Variants in HEATR9 observed in about 807,000 individuals in gnomAD.
HEATR9 encodes HEAT repeat containing 9.
Under a neutral mutation model 68.2 loss-of-function variants are expected in HEATR9, and 54 were observed. The ratio of observed to expected loss-of-function variants is 0.79; its 90% confidence interval spans 0.64 to 0.99. The LOEUF (loss-of-function observed/expected upper bound fraction) is 0.99, where lower values mean the gene tolerates loss of function less well. Among genes scored for constraint, HEATR9 ranks in the 50% least tolerant of loss-of-function variants. The probability of loss-of-function intolerance (pLI) is 0.00; values close to 1 mark genes in which losing one functional copy is unlikely to be tolerated. For missense variants in HEATR9, 662 were observed against 679.7 expected (o/e 0.97, Z 0.29); for synonymous variants, 241 against 253.5 (o/e 0.95, Z 0.47).
chr17:35,865,199 G>A lies in HEATR9; in HGVS notation c.320+16C>T, dbSNP rs571481139. 1 of 1,609,146 alleles carries A rather than the reference G, an allele frequency of 6.2e-7. No individual in the cohort carries two copies. The highest frequency in any genetic ancestry group is 1.1e-5 in the South Asian group (1 of 89,740). On this transcript the variant is annotated intron_variant, in intron 3 of 14. Transcript: ENST00000604834. ...ATGTGGAGGGTGAGAAGAATATGGA[G>A]GCCAGCAAAACACACCTACAGTCAT...
At chr17:35,863,701 A>G in intron 6 of HEATR9, 142 bp from the exon 7 acceptor site, 1 of 834,484 alleles carries the variant, frequency 1.2e-6, no homozygotes, top group South Asian at 1.6e-5. Flanking sequence ...CAAATACAGA[A>G]TACAGCCAAA....
intron 12 of HEATR9, 150 bp from the exon 13 acceptor site, chr17:35,856,374 G>A (rs1288150935): frequency 1.3e-6 from 2 of 1,571,112 alleles, no homozygotes; most frequent in Non-Finnish European, 8.6e-7. Flanking sequence ...TCAGAAAAGG[G>A]GCAGGGAGAG....
rs760970160 is a variant in HEATR9, at chr17:35,858,927, C to T, written c.900G>A (p.Leu300=). The T allele has an allele frequency of 3.1e-6, 5 of 1,614,156 alleles. No homozygotes were observed. In the South Asian group the frequency reaches 5.5e-5, roughly 18 times the overall value. Residue 300 remains leucine, a synonymous_variant, in exon 9 of 15, where the codon TTG becomes TTA. Transcript: ENST00000604834. ...TCTTGAGTCCTTGGCACAGGCACTGCAACAAGAACTCTTGGACCATGTTGC... is the reference window on the plus strand; with the variant it reads ...TCTTGAGTCCTTGGCACAGGCACTGTAACAAGAACTCTTGGACCATGTTGC... ...PCSNMVQEFL[L]QCLCQGLKTQ...
chr17:35,856,321 A>G, intron 12 of HEATR9, 97 bp from the exon 13 acceptor site: 3 of 1,613,488 alleles, frequency 1.9e-6, no homozygotes, highest in Non-Finnish European at 2.5e-6. Context: ...GAATTAGGCA[A>G]AGTGATGCTA....
chr17:35,862,771 AT>A (rs751097170), intron 8 of HEATR9, among the ~76,000 whole-genome samples: 7 of 152,190 alleles, frequency 4.6e-5, no homozygotes. Context: ...TCCATTCTCC[AT>A]TTTAAATACA....
chr17:35,863,086 T>A lies in HEATR9; in HGVS notation c.665A>T (p.Gln222Leu). Reference protein sequence around the residue: ...NKHVIRALIKQLKEKNEGQRM... With the variant: ...NKHVIRALIKLLKEKNEGQRM... ...TTGACCCTCATTTTTCTCCTTCAGC[T>A]GTTTGATGAGAGCCCGGATCACATG... Residue 222 changes from glutamine (Q) to leucine (L), a missense_variant, in exon 8 of 15, where the codon CAG becomes CTG. Physicochemically the swap from Gln to Leu is moderately radical, Grantham distance 113 (BLOSUM62 -2). Coordinates refer to ENST00000604834, the MANE Select transcript of HEATR9 (RefSeq NM_152781.4). The A allele has an allele frequency of 1.2e-6, 2 of 1,614,224 alleles. No homozygotes were observed. The highest frequency in any genetic ancestry group is 1.7e-6 in the Non-Finnish European group (2 of 1,180,032).
chr17:35,860,026 A>G (rs542936465), intron 8 of HEATR9, among the ~76,000 whole-genome samples: 2 of 152,266 alleles, frequency 1.3e-5, no homozygotes, highest in South Asian at 2.1e-4. Context: ...GACTATAACC[A>G]TCTATCTAAG....
intron 8 of HEATR9, among the ~76,000 whole-genome samples, chr17:35,862,721 GT>G (rs1568320104): frequency 6.6e-6 from 1 of 152,134 alleles, no homozygotes; most frequent in African/African-American, 2.4e-5. Flanking sequence ...TCGAAAAATC[GT>G]AAGTCAAACC....
chr17:35,858,232 G>A lies in HEATR9; in HGVS notation c.1120C>T (p.Leu374Phe), dbSNP rs556697108. 1 of 1,614,170 alleles carries A rather than the reference G, an allele frequency of 6.2e-7. No individual in the cohort carries two copies. The highest frequency in any genetic ancestry group is 2.2e-5 in the East Asian group (1 of 44,884). Residue 374 changes from leucine (L) to phenylalanine (F), a missense_variant, in exon 11 of 15, where the codon CTC becomes TTC. Transcript: ENST00000604834. ...QGLEELTFNL[L>F]RRKTHNEPFL... Reference sequence around the variant, plus strand: ...GGTTCATTATGCGTCTTCCTCCTGAGCAGGTTAAATGTGAGTTCCTCTAGC... The same window carrying A: ...GGTTCATTATGCGTCTTCCTCCTGAACAGGTTAAATGTGAGTTCCTCTAGC...
Position 35,865,373 on chromosome 17 carries a change from T to TG in HEATR9, c.161dup (p.Ser55LysfsTer24), listed in dbSNP as rs777455019. 3.7e-6 allele frequency: 6 copies of TG among 1,613,040 alleles called. No individual in the cohort carries two copies. Among genetic ancestry groups the TG allele is most frequent in the Non-Finnish European group, 5.1e-6 (6 of 1,179,648 alleles). On this transcript the variant is annotated frameshift_variant, in exon 3 of 15. Coordinates refer to ENST00000604834, the MANE Select transcript of HEATR9 (RefSeq NM_152781.4). LOFTEE classifies it high-confidence loss of function. The stretch of plus-strand genomic sequence containing the variant: ...GATGCTGCCTCCAGCACTCTGGACT[T>TG]GGGGGAAACTCTTCCTTTGGCATCT...
intron 8 of HEATR9, among the ~76,000 whole-genome samples, chr17:35,862,793 C>G (rs1843541202): frequency 6.6e-6 from 1 of 152,226 alleles, no homozygotes; most frequent in Non-Finnish European, 1.5e-5. Flanking sequence ...AACTGCAGCT[C>G]TGAAATTTGG....
intron 9 of HEATR9, 133 bp from the exon 10 acceptor site, chr17:35,858,658 C>T (rs2087863956): frequency 1.1e-6 from 1 of 872,716 alleles, no homozygotes; most frequent in African/African-American, 1.7e-5. Context: ...GCCTCTTGAC[C>T]ACAGAAGTTC....
intron 13 of HEATR9, 102 bp from the exon 14 acceptor site, chr17:35,855,852 G>C (rs113733432): frequency 1.0e-5 from 10 of 1,001,420 alleles, no homozygotes; most frequent in Middle Eastern, 3.0e-4. Context: ...AGCATAGAGA[G>C]GGGGGAGATA....
At chr17:35,858,856 C>G (rs2087871379) in intron 9 of HEATR9, 32 bp downstream of exon 9, 1 of 1,605,780 alleles carries the variant, frequency 6.2e-7, no homozygotes, top group Non-Finnish European at 8.5e-7. Context: ...GCTTCTGTTT[C>G]CCCAGGGATC....
intron 4 of HEATR9, 69 bp from the exon 5 acceptor site, chr17:35,864,622 T>G (rs1004576006): frequency 1.9e-6 from 3 of 1,586,460 alleles, no homozygotes; most frequent in Non-Finnish European, 2.6e-6. Flanking sequence ...TAAAGGGAGC[T>G]CATCCAATCC....
In HEATR9 at chr17:35,862,977, G is replaced by A. The variant is rs1416230273; in HGVS notation, c.756+18C>T. 1.2e-6 allele frequency: 2 copies of A among 1,614,016 alleles called. No homozygotes were observed. Among genetic ancestry groups the A allele is most frequent in the Non-Finnish European group, 1.7e-6 (2 of 1,180,038 alleles). ...TTGTCCAGCTTTGCCCCCAATTAAA[G>A]ACTGTCCTCCCAATCACCTTGTCTT... On this transcript the variant is annotated intron_variant, in intron 8 of 14. Coordinates refer to ENST00000604834, the MANE Select transcript of HEATR9 (RefSeq NM_152781.4).
intron 8 of HEATR9, 29 bp from the exon 9 acceptor site, chr17:35,859,099 A>G: frequency 6.2e-7 from 1 of 1,602,928 alleles, no homozygotes; most frequent in Non-Finnish European, 8.5e-7. Flanking sequence ...GGCTAAGGGG[A>G]GGGGCTATGT....
rs562015359 is a variant in HEATR9, at chr17:35,864,615, A to G, written c.454-62T>C. On this transcript the variant is annotated intron_variant, in intron 4 of 14. Coordinates refer to ENST00000604834, the MANE Select transcript of HEATR9 (RefSeq NM_152781.4). Reference sequence around the variant, plus strand: ...AGAAAAATAAAGAATTTCAAACTAAAGGGAGCTCATCCAATCCAATCCCTT... The same window carrying G: ...AGAAAAATAAAGAATTTCAAACTAAGGGGAGCTCATCCAATCCAATCCCTT... 8.0e-5 allele frequency: 127 copies of G among 1,593,038 alleles called. No homozygotes were observed. The Admixed American group carries it at 1.0e-3, about 13-fold the overall frequency.
At chr17:35,868,225 G>A (rs1164841302) in intron 1 of HEATR9, among the ~76,000 whole-genome samples, 1 of 152,198 alleles carries the variant, frequency 6.6e-6, no homozygotes, top group East Asian at 1.9e-4. Context: ...GACACAGGTG[G>A]TAAACATGAG....
Sources: gnomAD v4.1 joint callset for allele counts (sites outside exome capture counted in the v4.1 genomes callset) on GRCh38, gnomAD v4.1.1 for gene constraint, MANE v1.5 for transcripts, NCBI Gene and HGNC (gene_info 2026-07-23, HGNC 2026-07-21) for gene names.